The following EXOSC10 variants were observed in gnomAD, a reference collection of about 807,000 sequenced individuals.
The protein encoded by EXOSC10 is exosome complex component 10.
In EXOSC10, 94 loss-of-function variants were observed where a neutral mutation model predicts 126.6. The observed-to-expected ratio is 0.74, with a 90% CI of 0.63 to 0.88. The LOEUF (loss-of-function observed/expected upper bound fraction) is 0.88. Ranked by LOEUF, EXOSC10 falls within the 40% of genes least tolerant of loss-of-function variation. EXOSC10 has a pLI of 0.00. For missense variants in EXOSC10, 1,041 were observed against 1,100.5 expected, an observed-to-expected ratio of 0.95 and a Z score of 0.77; for synonymous variants, 395 against 400.8, an observed-to-expected ratio of 0.99 and a Z score of 0.17.
intron 6 of EXOSC10, 48 bp from the exon 7 acceptor site, chr1:11,088,246 T>C (rs975422141): frequency 9.1e-6 from 13 of 1,429,082 alleles, no homozygotes; most frequent in Non-Finnish European, 9.7e-6. Flanking sequence ...AATTCCATGA[T>C]TCAAGGGAAA....
chr1:11,089,348 G>A (rs1211810080), intron 6 of EXOSC10, among the ~76,000 whole-genome samples: 1 of 151,756 alleles, frequency 6.6e-6, no homozygotes, highest in African/African-American at 2.4e-5. Flanking sequence ...GGTGGCTCGG[G>A]CCTGTAATCC....
chr1:11,067,207 G>A (rs191909793), intron 24 of EXOSC10, among the ~76,000 whole-genome samples: 153 of 152,234 alleles, frequency 1.0e-3, no homozygotes, highest in Admixed American at 7.1e-3. Context: ...CGAGGCGGGC[G>A]GATCACAAGG....
chr1:11,077,509 C>T, intron 15 of EXOSC10, 66 bp from the exon 16 acceptor site: 1 of 1,600,152 alleles, frequency 6.2e-7, no homozygotes, highest in Middle Eastern at 1.7e-4. Context: ...TTTCTGCCAG[C>T]TGTCAGCACA....
chr1:11,098,295 C>A lies in EXOSC10; in HGVS notation c.112-139G>T, dbSNP rs555336244. 6.8e-6 allele frequency: 7 copies of A among 1,025,998 alleles called. No individual in the cohort carries two copies. In the East Asian group the frequency reaches 2.0e-4, roughly 29 times the overall value. The allele number at this position is 1,025,998 out of a possible 1,614,324, so 63.6% of individuals were successfully genotyped here. A position where few individuals can be genotyped will look rare whatever the true frequency, so the allele number is the denominator to read the frequency against. On this transcript the variant is annotated intron_variant, in intron 1 of 24. Coordinates refer to ENST00000376936, the MANE Select transcript of EXOSC10 (RefSeq NM_001001998.3). The stretch of plus-strand genomic sequence containing the variant: ...CACTCATTTAGTGCCAAACCCCAAT[C>A]TAATCTAGGCCCTGAGAATACAATA...
At position 11,082,822 on chromosome 1, in the gene EXOSC10, A is replaced by C; in HGVS notation, c.1146T>G (p.Tyr382Ter). 1 of 1,614,214 alleles carries C rather than the reference A, an allele frequency of 6.2e-7. No homozygotes were observed. The highest frequency in any genetic ancestry group is 1.1e-5 in the South Asian group (1 of 91,076). ...IEWLQKDFGL[Y>*]VVNMFDTHQA... is the part of the protein sequence containing the mutation. Reference sequence around the variant, plus strand: ...GATGAGTATCAAACATGTTTACTACATACAACCCAAAGTCTTTCTGTAGCC... The same window carrying C: ...GATGAGTATCAAACATGTTTACTACCTACAACCCAAAGTCTTTCTGTAGCC... The change falls in exon 10 of 25, where the codon TAT (tyrosine) becomes TAG (stop). Residue 382 changes from tyrosine to a stop codon, truncating the protein, a stop_gained. Transcript: ENST00000376936. LOFTEE classifies it high-confidence loss of function.
intron 14 of EXOSC10, among the ~76,000 whole-genome samples, chr1:11,079,474 ACCTC>A (rs1640022659): frequency 1.4e-5 from 2 of 143,830 alleles, no homozygotes; most frequent in Admixed American, 1.4e-4. Context: ...GCTCACTGCA[ACCTC>A]CGCCTCCCGG....
chr1:11,076,259 G>A (rs1206789414), intron 17 of EXOSC10, among the ~76,000 whole-genome samples: 1 of 151,866 alleles, frequency 6.6e-6, no homozygotes, highest in Non-Finnish European at 1.5e-5. Flanking sequence ...GAGGCAGGAG[G>A]ATCGTTTGAG....
chr1:11,077,344 C>A, intron 16 of EXOSC10, 21 bp downstream of exon 16: 1 of 1,603,468 alleles, frequency 6.2e-7, no homozygotes, highest in South Asian at 1.1e-5. Context: ...TCGGGACAGT[C>A]AGGAGGGCTC....
chr1:11,091,165 G>A lies in EXOSC10; in HGVS notation c.492C>T (p.Gly164=), dbSNP rs1640784456. 6 of 1,613,760 alleles carry A rather than the reference G, an allele frequency of 3.7e-6. No homozygotes were observed. The highest frequency in any genetic ancestry group is 5.1e-6 in the Non-Finnish European group (6 of 1,179,948). The change falls in exon 5 of 25, where the codon GGC becomes GGT. Residue 164 remains glycine, a synonymous_variant. Coordinates refer to ENST00000376936, the MANE Select transcript of EXOSC10 (RefSeq NM_001001998.3). ...GGAAAGTTTCAGATTTTGCTTTTTT[G>A]CCATATTCTGCTGCCTATGATCAAT... The part of the protein sequence containing the change: ...SSWNRKAAEY[G]KKAKSETFRL...
chr1:11,097,674 C>T (rs1448019879), intron 2 of EXOSC10, among the ~76,000 whole-genome samples: 1 of 151,564 alleles, frequency 6.6e-6, no homozygotes, highest in Non-Finnish European at 1.5e-5. Flanking sequence ...TGCAGTGAGC[C>T]GAGATCATGC....
Position 11,080,906 on chromosome 1 carries a change from TGAATTTCTACAAAGTATTAGA to T in EXOSC10, c.1438-15_1443del, listed in dbSNP as rs769518145. 1 of 1,605,250 alleles carries T rather than the reference TGAATTTCTACAAAGTATTAGA, an allele frequency of 6.2e-7. No homozygotes were observed. Among genetic ancestry groups the T allele is most frequent in the South Asian group, 1.1e-5 (1 of 89,336 alleles). On this transcript the variant is annotated splice_acceptor_variant and splice_polypyrimidine_tract_variant and coding_sequence_variant and intron_variant, in exon 12 of 25. Coordinates refer to ENST00000376936, the MANE Select transcript of EXOSC10 (RefSeq NM_001001998.3). LOFTEE classifies it high-confidence loss of function. ...GACTCATCCGTGAAGATAGGTTTGA[TGAATTTCTACAAAGTATTAGA>T]GAACATTCAAAATCAACGGGAATCA...
rs1294375510 is a variant in EXOSC10 at position 11,095,811 on chromosome 1, C to G, written c.319G>C (p.Glu107Gln). 1 of 1,613,978 alleles carries G rather than the reference C, an allele frequency of 6.2e-7. No homozygotes were observed. Among genetic ancestry groups the G allele is most frequent in the African/African-American group, 1.3e-5 (1 of 74,946 alleles). ...IKDRSKVTELEDKFDLLVDAN... is the reference protein window; with the variant it reads ...IKDRSKVTELQDKFDLLVDAN... ...TCAACTAGTAAATCAAACTTGTCTTCCAGCTCAGTCACTTTACTTCGATCC... is the reference window on the plus strand; with the variant it reads ...TCAACTAGTAAATCAAACTTGTCTTGCAGCTCAGTCACTTTACTTCGATCC... The change falls in exon 3 of 25, where the codon GAA becomes CAA. Residue 107 changes from glutamate to glutamine, a missense_variant. Coordinates refer to ENST00000376936, the MANE Select transcript of EXOSC10 (RefSeq NM_001001998.3).
At chr1:11,096,558 C>G (rs1173660932) in intron 2 of EXOSC10, among the ~76,000 whole-genome samples, 1 of 150,432 alleles carries the variant, frequency 6.6e-6, no homozygotes, top group Non-Finnish European at 1.5e-5. Context: ...CTCCCTGTAG[C>G]CTTGAACTCC....
intron 19 of EXOSC10, 112 bp downstream of exon 19, chr1:11,073,821 TG>T (rs1639652302): frequency 1.3e-6 from 1 of 757,060 alleles, no homozygotes; most frequent in East Asian, 2.8e-5. Context: ...GAGGTTGCAG[TG>T]AGTCAAGATT....
Position 11,090,663 on chromosome 1 carries a change from A to C in EXOSC10, c.649T>G (p.Ser217Ala). 1 of 1,608,224 alleles carries C rather than the reference A, an allele frequency of 6.2e-7. No individual in the cohort carries two copies. Among genetic ancestry groups the C allele is most frequent in the South Asian group, 1.1e-5 (1 of 90,546 alleles). The change falls in exon 6 of 25, where the codon TCT becomes GCT. Residue 217 changes from serine (S) to alanine (A), a missense_variant. By Grantham distance (99) the Ser-to-Ala change is moderately conservative. Coordinates refer to ENST00000376936, the MANE Select transcript of EXOSC10 (RefSeq NM_001001998.3). Reference sequence around the variant, plus strand: ...TGTGGGCGTTCCCGCCTTTCCTTAGAGAGAGCTGGGGATCCCAGCAGTGAC... The same window carrying C: ...TGTGGGCGTTCCCGCCTTTCCTTAGCGAGAGCTGGGGATCCCAGCAGTGAC... ...NAQKPLPQAL[S>A]KERRERPQDR...
intron 1 of EXOSC10, 52 bp from the exon 2 acceptor site, chr1:11,098,208 T>C (rs1260467591): frequency 6.5e-7 from 1 of 1,548,472 alleles, no homozygotes; most frequent in African/African-American, 1.4e-5. Flanking sequence ...CCCATTCATT[T>C]GGTATGTCAT....
chr1:11,088,056 T>A (rs1640599136), intron 7 of EXOSC10, 67 bp downstream of exon 7: 9 of 1,374,232 alleles, frequency 6.5e-6, no homozygotes, highest in Non-Finnish European at 9.2e-6. Flanking sequence ...ATTGCATCAA[T>A]GAATCTACTT....
Position 11,076,825 on chromosome 1 carries a change from G to C in EXOSC10, c.1986+17C>G. 6.3e-7 allele frequency: 1 copy of C among 1,588,950 alleles called. No individual in the cohort carries two copies. The highest frequency in any genetic ancestry group is 1.1e-5 in the South Asian group (1 of 90,686). On this transcript the variant is annotated intron_variant, in intron 17 of 24. Coordinates refer to ENST00000376936, the MANE Select transcript of EXOSC10 (RefSeq NM_001001998.3). Reference sequence around the variant, plus strand: ...AGGGGGTCCTCATCACCTCAGTGAAGTTTCTGTGCTACTCACATTAAATAA... The same window carrying C: ...AGGGGGTCCTCATCACCTCAGTGAACTTTCTGTGCTACTCACATTAAATAA...
At chr1:11,098,343 A>G (rs1641231835) in intron 1 of EXOSC10, among the ~76,000 whole-genome samples, 187 bp from the exon 2 acceptor site, 2 of 152,196 alleles carry the variant, frequency 1.3e-5, no homozygotes, top group Non-Finnish European at 2.9e-5. Context: ...CCAAGTTTGG[A>G]GCTTATATTC....
Sources: gnomAD v4.1 joint callset for allele counts (sites outside exome capture counted in the v4.1 genomes callset) on GRCh38, gnomAD v4.1.1 for gene constraint, MANE v1.5 for transcripts, NCBI Gene and HGNC (gene_info 2026-07-23, HGNC 2026-07-21) for gene names.